The following HLTF variants were observed in gnomAD, a reference collection of about 807,000 sequenced individuals.
HLTF encodes the protein DNA-dependent ATPase/E3 ubiquitin-protein ligase HLTF.
HLTF carries 127 observed loss-of-function variants against 129.4 expected under a neutral mutation model. The observed-to-expected ratio is 0.98, with a 90% CI of 0.85 to 1.14. HLTF has a LOEUF of 1.14. HLTF is among the 50% of genes most tolerant of loss of function. The pLI is 0.00. For missense variants in HLTF, 1,139 were observed against 1,187.1 expected (o/e 0.96, Z 0.60); for synonymous variants, 332 against 388.8 (o/e 0.85, Z 1.72).
At chr3:149,085,834 T>C (rs1210672400) in intron 1 of HLTF, among the ~76,000 whole-genome samples, 1 of 152,144 alleles carries the variant, frequency 6.6e-6, no homozygotes, top group East Asian at 1.9e-4. Context: ...TTGCAAAAAG[T>C]TTCCATTCTC....
chr3:149,041,143 T>C (rs1311293010), intron 20 of HLTF, among the ~76,000 whole-genome samples: 1 of 152,206 alleles, frequency 6.6e-6, no homozygotes, highest in Non-Finnish European at 1.5e-5. Flanking sequence ...ATATTTTAGA[T>C]ATATTGGGTT....
chr3:149,054,453 AG>A (rs767627501), intron 14 of HLTF, among the ~76,000 whole-genome samples: 40 of 152,322 alleles, frequency 2.6e-4, no homozygotes, highest in Middle Eastern at 3.4e-3. Flanking sequence ...TAAAAAGAGT[AG>A]GATCTCTTCC....
intron 3 of HLTF, 141 bp from the exon 4 acceptor site, chr3:149,074,489 A>C (rs1203718321): frequency 7.2e-6 from 5 of 692,378 alleles, no homozygotes; most frequent in South Asian, 3.6e-5. Context: ...GCAGACTTGA[A>C]AGAAAAAAAG....
At chr3:149,067,980 G>C (rs990282209) in intron 8 of HLTF, among the ~76,000 whole-genome samples, 1 of 152,062 alleles carries the variant, frequency 6.6e-6, no homozygotes, top group East Asian at 1.9e-4. Context: ...CCCACGACTT[G>C]AGCCTGGGAA....
intron 24 of HLTF, among the ~76,000 whole-genome samples, 155 bp downstream of exon 24, chr3:149,034,763 C>G (rs1346204394): frequency 6.6e-6 from 1 of 152,122 alleles, no homozygotes; most frequent in East Asian, 1.9e-4. Flanking sequence ...GCCCCTTAAA[C>G]AGCATATATT....
At chr3:149,067,243 A>G (rs1718463771) in intron 8 of HLTF, among the ~76,000 whole-genome samples, 1 of 151,678 alleles carries the variant, frequency 6.6e-6, no homozygotes, top group African/African-American at 2.4e-5. Flanking sequence ...TATTCTCATC[A>G]CTAGGACATA....
Position 149,068,109 on chromosome 3 carries a change from A to G in HLTF, c.990+131T>C, listed in dbSNP as rs111441914. On this transcript the variant is annotated intron_variant, in intron 8 of 24. Coordinates refer to ENST00000310053, the MANE Select transcript of HLTF (RefSeq NM_003071.4). ...GAACTTTCATTCTTATCAGCAACAC[A>G]TAAAAGACAGAGAGACCATTCATCG... The G allele has an allele frequency of 2.0e-3, 1,109 of 552,938 alleles. 13 individuals are homozygous for G. The highest frequency in any genetic ancestry group is 0.019 in the African/African-American group (974 of 51,970). The allele number at this position is 552,938 out of a possible 1,614,324, so 34.3% of individuals were successfully genotyped here.
At position 149,084,877 on chromosome 3, in the gene HLTF, C is replaced by T. The variant is rs772965159; in HGVS notation, c.33G>A (p.Trp11Ter). ...CATACTGGACAGTCTGCAAGTACTT[C>T]CAAACTGGATCCCTATTTTTTTTTA... MSWMFKRDPVWKYLQTVQYGV... is the reference protein window; with the variant it reads MSWMFKRDPV The change falls in exon 2 of 25, where the codon TGG becomes TGA. Residue 11 changes from tryptophan (W) to a stop codon, truncating the protein, a stop_gained. Coordinates refer to ENST00000310053, the MANE Select transcript of HLTF (RefSeq NM_003071.4). LOFTEE classifies it high-confidence loss of function. The T allele has an allele frequency of 5.7e-5, 92 of 1,611,436 alleles. No homozygotes were observed. The highest frequency in any genetic ancestry group is 7.7e-5 in the Non-Finnish European group (91 of 1,178,854).
Position 149,048,863 on chromosome 3 carries a change from C to T in HLTF, c.1756G>A (p.Gly586Ser). ...TTAGTAAGTTTAATGCTATGATTACCTGTCAAAACCCATCTTCTTTCTGAT... is the reference window on the plus strand; with the variant it reads ...TTAGTAAGTTTAATGCTATGATTACTTGTCAAAACCCATCTTCTTTCTGAT... ...LESERRWVLT[G>S]TPIQNSLKDL... Residue 586 changes from glycine (G) to serine (S), a missense_variant and splice_region_variant, in exon 16 of 25, where the codon GGT becomes AGT. Transcript: ENST00000310053. 1 of 1,611,028 alleles carries T rather than the reference C, an allele frequency of 6.2e-7. No homozygotes were observed. The highest frequency in any genetic ancestry group is 8.5e-7 in the Non-Finnish European group (1 of 1,177,566).
chr3:149,040,435 T>TA (rs3836276), intron 20 of HLTF, among the ~76,000 whole-genome samples: 46,349 of 149,962 alleles, frequency 0.31, 7,006 homozygotes, highest in East Asian at 0.32. Context: ...TAAGCAAGTT[T>TA]AAAAAAAAAA....
At chr3:149,073,014 A>T (rs1719007324) in intron 5 of HLTF, among the ~76,000 whole-genome samples, 1 of 152,196 alleles carries the variant, frequency 6.6e-6, no homozygotes, top group South Asian at 2.1e-4. Context: ...TTGGGTACAA[A>T]TGTTCACGTA....
chr3:149,043,059 T>A (rs185341981), intron 18 of HLTF, among the ~76,000 whole-genome samples: 7 of 151,444 alleles, frequency 4.6e-5, no homozygotes, highest in Admixed American at 3.9e-4. Context: ...CCAAGGATAC[T>A]GTCACAATTT....
chr3:149,048,659 G>A lies in HLTF; in HGVS notation c.1756+204C>T, dbSNP rs576824970. ...AGGTTCAAGAATAAGTCTAGTGACT[G>A]TTCCATAAATTATCAATAAGTCAAA... On this transcript the variant is annotated intron_variant, in intron 16 of 24. Coordinates refer to ENST00000310053, the MANE Select transcript of HLTF (RefSeq NM_003071.4). Among the ~76,000 whole-genome samples, 7 of 152,278 alleles carry A rather than the reference G, an allele frequency of 4.6e-5. No homozygotes were observed. In the South Asian group the frequency reaches 1.2e-3, roughly 27 times the overall value.
intron 15 of HLTF, among the ~76,000 whole-genome samples, chr3:149,049,647 T>A (rs760322330): frequency 2.6e-5 from 4 of 152,240 alleles, no homozygotes; most frequent in Non-Finnish European, 2.9e-5. Flanking sequence ...TACAAATTGC[T>A]TCATATACTT....
Position 149,057,020 on chromosome 3 carries a change from A to ATTC in HLTF, c.1376-1621_1376-1620insGAA, listed in dbSNP as rs1717500019. Among the ~76,000 whole-genome samples the ATTC allele has an allele frequency of 4.1e-5, 6 of 148,034 alleles. No individual in the cohort carries two copies. In the South Asian group the frequency reaches 6.5e-4, roughly 16 times the overall value. On this transcript the variant is annotated intron_variant, in intron 13 of 24. Transcript: ENST00000310053. The stretch of plus-strand genomic sequence containing the variant: ...GCTACTCGGGAGGCTGAGGCAGGAG[A>ATTC]ATGGCGTGAACCCCAGGGGGCGGAG...
rs992278799 is a variant in HLTF, at chr3:149,071,675, A to C, written c.628-18T>G. 5.0e-6 allele frequency: 7 copies of C among 1,394,738 alleles called. No individual in the cohort carries two copies. In the Admixed American group the frequency reaches 5.7e-5, roughly 11 times the overall value. 86.4% of individuals were successfully genotyped at this position (1,394,738 alleles called of 1,614,324 possible). ...GTTTTAAGCTACAATAAACAGCAAC[A>C]AGAAACAATGTAAAACAAACTAATT... On this transcript the variant is annotated intron_variant, in intron 5 of 24. Coordinates refer to ENST00000310053, the MANE Select transcript of HLTF (RefSeq NM_003071.4).
At chr3:149,035,457 G>A (rs1011238730) in intron 23 of HLTF, among the ~76,000 whole-genome samples, 1 of 151,812 alleles carries the variant, frequency 6.6e-6, no homozygotes, top group Non-Finnish European at 1.5e-5. Context: ...TAAAAAAAGG[G>A]TTTCTCCTGG....
At position 149,032,115 on chromosome 3, in the gene HLTF, C is replaced by T; in HGVS notation, c.*105G>A. On this transcript the variant is annotated 3_prime_UTR_variant, in exon 25 of 25. Transcript: ENST00000310053. Reference sequence around the variant, plus strand: ...CTCTTCACTAATATAAAATATGCCCCTTTTAGAAGACGTGTTCTCTAGATC... The same window carrying T: ...CTCTTCACTAATATAAAATATGCCCTTTTTAGAAGACGTGTTCTCTAGATC... The T allele has an allele frequency of 1.2e-6, 1 of 819,476 alleles. No homozygotes were observed. The highest frequency in any genetic ancestry group is 1.8e-6 in the Non-Finnish European group (1 of 555,830). The allele number at this position is 819,476 out of a possible 1,614,324, so 50.8% of individuals were successfully genotyped here.
chr3:149,062,570 A>AT (rs772129813), intron 10 of HLTF, among the ~76,000 whole-genome samples: 23 of 152,268 alleles, frequency 1.5e-4, no homozygotes, highest in Non-Finnish European at 2.8e-4. Context: ...ACTTCAGAAG[A>AT]TAAATGAAGT....
Sources: gnomAD v4.1 joint callset for allele counts (sites outside exome capture counted in the v4.1 genomes callset) on GRCh38, gnomAD v4.1.1 for gene constraint, MANE v1.5 for transcripts, NCBI Gene and HGNC (gene_info 2026-07-23, HGNC 2026-07-21) for gene names.